Variants in FGF14 observed in about 807,000 individuals in gnomAD.
FGF14 encodes the protein fibroblast growth factor homologous factor 4.
FGF14 carries 5 observed loss-of-function variants against 25.5 expected under a neutral mutation model. That is an observed-to-expected ratio of 0.20 (90% CI 0.10 to 0.41). The LOEUF (loss-of-function observed/expected upper bound fraction) is 0.41, where lower values mean the gene tolerates loss of function less well. Ranked by LOEUF, FGF14 falls within the 10% of genes least tolerant of loss-of-function variation. The pLI is 1.00. For synonymous variants in FGF14, 138 were observed against 118.3 expected, an observed-to-expected ratio of 1.17 and a Z score of -1.08; for missense variants, 222 against 320.1, an observed-to-expected ratio of 0.69 and a Z score of 2.34.
intron 1 of FGF14, among the ~76,000 whole-genome samples, chr13:102,256,988 G>A (rs966493924): frequency 6.6e-6 from 1 of 152,054 alleles, no homozygotes; most frequent in Admixed American, 6.6e-5. Context: ...GAATTAACAC[G>A]TTTCTATCTG....
chr13:102,151,046 T>G (rs1847120376), intron 1 of FGF14, among the ~76,000 whole-genome samples: 1 of 152,172 alleles, frequency 6.6e-6, no homozygotes, highest in Non-Finnish European at 1.5e-5. Context: ...ACTTTTGCAT[T>G]TTAACAGTTT....
At chr13:102,057,939 G>A (rs968685749) in intron 1 of FGF14, among the ~76,000 whole-genome samples, 10 of 152,138 alleles carry the variant, frequency 6.6e-5, no homozygotes, top group Admixed American at 6.5e-5. Context: ...TTAATTTGTG[G>A]AAGCCTGTGA....
At chr13:101,919,903 G>C (rs9585812), upstream of FGF14, among the ~76,000 whole-genome samples, 1 of 152,098 alleles carries the variant, frequency 6.6e-6, no homozygotes, top group Non-Finnish European at 1.5e-5. Flanking sequence ...AGCGGACTCC[G>C]GAGTCTCCGG....
At chr13:102,071,158 A>G (rs1382655705) in intron 1 of FGF14, among the ~76,000 whole-genome samples, 2 of 152,208 alleles carry the variant, frequency 1.3e-5, no homozygotes, top group African/African-American at 4.8e-5. Context: ...CAAATAACCA[A>G]ACAAGGGTTA....
chr13:102,174,135 C>CTT (rs35882587), intron 1 of FGF14, among the ~76,000 whole-genome samples: 2 of 129,444 alleles, frequency 1.5e-5, no homozygotes, highest in Non-Finnish European at 1.6e-5. Context: ...ATCAGCATTT[C>CTT]TTTTTTTTTT....
intron 1 of FGF14, among the ~76,000 whole-genome samples, chr13:102,066,060 T>C (rs1451603400): frequency 1.3e-5 from 2 of 152,126 alleles, no homozygotes; most frequent in Non-Finnish European, 2.9e-5. Context: ...ATATAGCTAG[T>C]TAAGAATGTC....
intron 1 of FGF14, among the ~76,000 whole-genome samples, chr13:102,101,202 C>T (rs1170139476): frequency 1.3e-5 from 2 of 152,028 alleles, no homozygotes; most frequent in Non-Finnish European, 2.9e-5. Flanking sequence ...TTTTCATGAC[C>T]CTTTACTTAT....
chr13:101,927,191 G>C (rs558508007), intron 1 of FGF14, among the ~76,000 whole-genome samples: 6 of 152,302 alleles, frequency 3.9e-5, no homozygotes, highest in African/African-American at 7.2e-5. Context: ...TTAAAAGAAG[G>C]CTTTGGCTGT....
chr13:102,263,608 C>T (rs193197177), intron 1 of FGF14, among the ~76,000 whole-genome samples: 273 of 152,228 alleles, frequency 1.8e-3, no homozygotes, highest in African/African-American at 6.0e-3. Context: ...CTAATTTAGG[C>T]TCTACGTATT....
intron 1 of FGF14, among the ~76,000 whole-genome samples, chr13:102,276,396 A>T (rs1594684380): frequency 1.4e-5 from 2 of 140,136 alleles, no homozygotes; most frequent in Middle Eastern, 3.9e-3. Context: ...TTATTGGTTC[A>T]TCATTTCTGA....
At chr13:102,025,142 TC>T (rs2040860736) in intron 1 of FGF14, among the ~76,000 whole-genome samples, 1 of 151,928 alleles carries the variant, frequency 6.6e-6, no homozygotes, top group Admixed American at 6.6e-5. Context: ...CTAACTTCAT[TC>T]TTTTTCAAGA....
intron 1 of FGF14, among the ~76,000 whole-genome samples, chr13:102,056,556 T>C (rs2042437205): frequency 6.6e-6 from 1 of 152,166 alleles, no homozygotes. Flanking sequence ...TTTTCCTACT[T>C]CATGGTCTCA....
intron 1 of FGF14, among the ~76,000 whole-genome samples, chr13:102,198,284 A>G (rs2049458612): frequency 2.0e-5 from 3 of 152,200 alleles, no homozygotes; most frequent in African/African-American, 7.2e-5. Context: ...AGTTGTCCCA[A>G]CTGGAAAACG....
At chr13:102,211,103 A>C (rs909842781) in intron 1 of FGF14, among the ~76,000 whole-genome samples, 4 of 152,138 alleles carry the variant, frequency 2.6e-5, no homozygotes, top group African/African-American at 9.7e-5. Context: ...ACCCCATCTT[A>C]GTAAAAAAGA....
intron 1 of FGF14, among the ~76,000 whole-genome samples, chr13:101,957,254 T>C (rs1012903020): frequency 6.6e-6 from 1 of 152,194 alleles, no homozygotes; most frequent in Non-Finnish European, 1.5e-5. Flanking sequence ...CTTCGGTGTG[T>C]TTCTTTCAGT....
At chr13:102,233,891 C>A (rs1490306965) in intron 1 of FGF14, among the ~76,000 whole-genome samples, 10 of 152,212 alleles carry the variant, frequency 6.6e-5, no homozygotes, top group Non-Finnish European at 1.5e-5. Context: ...GGTTTCTCGT[C>A]AAGTTTTTAA....
intron 3 of FGF14, among the ~76,000 whole-genome samples, chr13:101,814,495 A>G (rs577876784): frequency 1.3e-5 from 2 of 152,332 alleles, no homozygotes; most frequent in Admixed American, 1.3e-4. Flanking sequence ...AAGTTAGACA[A>G]TCATGCAATC....
chr13:102,215,516 G>A (rs769881078), intron 1 of FGF14, among the ~76,000 whole-genome samples: 5 of 152,138 alleles, frequency 3.3e-5, no homozygotes, highest in Non-Finnish European at 7.4e-5. Flanking sequence ...GACAGCCTAT[G>A]TTCCCAAATA....
At chr13:101,986,938 GCACA>G (rs3064731) in intron 1 of FGF14, among the ~76,000 whole-genome samples, 6,091 of 147,942 alleles carry the variant, frequency 0.041, 313 homozygotes, top group East Asian at 0.19. Flanking sequence ...GTATGTGCAT[GCACA>G]CACACACACA....
Sources: gnomAD v4.1 joint callset for allele counts (sites outside exome capture counted in the v4.1 genomes callset) on GRCh38, gnomAD v4.1.1 for gene constraint, MANE v1.5 for transcripts, NCBI Gene and HGNC (gene_info 2026-07-23, HGNC 2026-07-21) for gene names.